AKAP9: variants seen among roughly 807,000 people sequenced by gnomAD.
AKAP9 encodes A-kinase anchor protein 9.
Under a neutral mutation model 488.5 loss-of-function variants are expected in AKAP9, and 311 were observed. The ratio of observed to expected loss-of-function variants is 0.64; its 90% CI spans 0.58 to 0.70. The LOEUF is 0.70. AKAP9 is among the 30% of genes least tolerant of loss of function. AKAP9 has a pLI of 0.00. For missense variants in AKAP9, 4,215 were observed against 4,374.5 expected, an observed-to-expected ratio of 0.96 and a Z score of 1.03; for synonymous variants, 1,462 against 1,483.5, an observed-to-expected ratio of 0.99 and a Z score of 0.33.
Position 92,086,274 on chromosome 7 carries a change from G to C in AKAP9, c.9071G>C (p.Gly3024Ala). ...CATGAGAGCTTCTCAGACTGGCGAG[G>C]TGAACTACTGCTTGCCCTTCAACAA... Reference protein sequence around the residue: ...QSHESFSDWRGELLLALQQVF... With the variant: ...QSHESFSDWRAELLLALQQVF... The change falls in exon 37 of 50, where the codon GGT becomes GCT. Residue 3024 changes from glycine (G) to alanine (A), a missense_variant. This residue lies in a region of AKAP9 where 1,476 missense variants were observed against 1,477.4 expected (regional missense o/e 1.00). Coordinates refer to ENST00000356239, the MANE Select transcript of AKAP9 (RefSeq NM_005751.5). 1 of 1,614,136 alleles carries C rather than the reference G, an allele frequency of 6.2e-7. No individual in the cohort carries two copies. Among genetic ancestry groups the C allele is most frequent in the Non-Finnish European group, 8.5e-7 (1 of 1,180,008 alleles).
At position 92,080,093 on chromosome 7, in the gene AKAP9, G is replaced by T; in HGVS notation, c.7960G>T (p.Glu2654Ter). ...LELQKLLEGN[E>*]KKQREKEKKR... Reference sequence around the variant, plus strand: ...ACTACAGAAGCTATTGGAGGGCAATGAGAAAAAACAGAGAGAGAAAGAAAA... The same window carrying T: ...ACTACAGAAGCTATTGGAGGGCAATTAGAAAAAACAGAGAGAGAAAGAAAA... Residue 2654 changes from glutamate (E) to a stop codon, truncating the protein, a stop_gained, in exon 31 of 50, where the codon GAG (glutamate) becomes TAG (stop). Transcript: ENST00000356239. LOFTEE classifies it high-confidence loss of function. 6.3e-7 allele frequency: 1 copy of T among 1,588,598 alleles called. No homozygotes were observed. Among genetic ancestry groups the T allele is most frequent in the South Asian group, 1.2e-5 (1 of 86,904 alleles).
intron 16 of AKAP9, 115 bp downstream of exon 16, chr7:92,031,719 C>T (rs1804273281): frequency 1.3e-6 from 1 of 796,930 alleles, no homozygotes; most frequent in Non-Finnish European, 2.1e-6. Context: ...TATAGTTCAT[C>T]TTTAAGTGAT....
rs772348877 is a variant in AKAP9 at position 92,086,318 on chromosome 7, A to G, written c.9115A>G (p.Ser3039Gly). The G allele has an allele frequency of 9.5e-5, 153 of 1,613,936 alleles. No homozygotes were observed. Among genetic ancestry groups the G allele is most frequent in the Non-Finnish European group, 1.2e-4 (142 of 1,179,990 alleles). Residue 3039 changes from serine to glycine, a missense_variant, in exon 37 of 50, where the codon AGT becomes GGT. Transcript: ENST00000356239. ...ALQQVFLEER[S>G]VLLAAFRTEL... The stretch of plus-strand genomic sequence containing the variant: ...TCAACAAGTTTTCTTAGAAGAGCGT[A>G]GTGTTTTACTAGCAGCATTTCGGAC...
intron 1 of AKAP9, among the ~76,000 whole-genome samples, chr7:91,965,695 T>C (rs1794359742): frequency 6.6e-6 from 1 of 152,232 alleles, no homozygotes; most frequent in Non-Finnish European, 1.5e-5. Context: ...CAGCATCTGT[T>C]ATTCCCTGTC....
In AKAP9 at chr7:92,079,808, A is replaced by C. The variant is rs757278868; in HGVS notation, c.7675A>C (p.Ile2559Leu). The C allele has an allele frequency of 6.6e-5, 107 of 1,614,032 alleles. No individual in the cohort carries two copies. Among genetic ancestry groups the C allele is most frequent in the Non-Finnish European group, 8.7e-5 (103 of 1,180,020 alleles). Residue 2559 changes from isoleucine (I) to leucine (L), a missense_variant, in exon 31 of 50, where the codon ATC becomes CTC. Ile to Leu is a conservative substitution (Grantham distance 5). Coordinates refer to ENST00000356239, the MANE Select transcript of AKAP9 (RefSeq NM_005751.5). ...AGTGGCTGCTGCTCTTGTCAGTCAA[A>C]TCCAACTTGAGGCAGTTCAGGAATA... is the stretch of plus-strand genomic sequence containing the variant. ...EKVAAALVSQ[I>L]QLEAVQEYAK...
In AKAP9 at chr7:92,052,851, G is replaced by A. The variant is rs1313350295; in HGVS notation, c.5494G>A (p.Gly1832Arg). The A allele has an allele frequency of 1.9e-6, 3 of 1,613,808 alleles. No homozygotes were observed. Among genetic ancestry groups the A allele is most frequent in the Non-Finnish European group, 2.5e-6 (3 of 1,179,874 alleles). The change falls in exon 22 of 50, where the codon GGA (glycine) becomes AGA (arginine). Residue 1832 changes from glycine (G) to arginine (R), a missense_variant. Transcript: ENST00000356239. Reference protein sequence around the residue: ...SQRLVRSGFAGTEIDPENEEL... With the variant: ...SQRLVRSGFARTEIDPENEEL... ...ACGACTTGTGAGGAGTGGTTTTGCT[G>A]GAACTGAAATAGACCCTGAAAATGA... is the stretch of plus-strand genomic sequence containing the variant.
intron 2 of AKAP9, among the ~76,000 whole-genome samples, chr7:91,975,925 G>GTTTTTTT (rs34121912): frequency 1.4e-5 from 1 of 73,726 alleles, no homozygotes; most frequent in African/African-American, 5.6e-5. Flanking sequence ...TTGTTTGTTT[G>GTTTTTTT]TTTTTTTTTT....
intron 10 of AKAP9, among the ~76,000 whole-genome samples, chr7:92,014,586 G>A (rs547781649): frequency 8.7e-4 from 132 of 152,260 alleles, no homozygotes; most frequent in Non-Finnish European, 1.5e-3. Context: ...TGGAGATCAT[G>A]CTACTGCACT....
In AKAP9 at chr7:92,002,611, A is replaced by C. The variant is rs755978798; in HGVS notation, c.2694A>C (p.Glu898Asp). 1 of 1,611,834 alleles carries C rather than the reference A, an allele frequency of 6.2e-7. No individual in the cohort carries two copies. The highest frequency in any genetic ancestry group is 1.3e-5 in the African/African-American group (1 of 74,774). ...AAAGTAAACTTAAAGCACTTAATGA[A>C]GAGCTTCATTTGCAAAGAATAAATC... is the stretch of plus-strand genomic sequence containing the variant. ...EYKSKLKALN[E>D]ELHLQRINPT... The change falls in exon 8 of 50, where the codon GAA (glutamate) becomes GAC (aspartate). Residue 898 changes from glutamate to aspartate, a missense_variant. Glu to Asp is a conservative substitution (Grantham distance 45). Transcript: ENST00000356239.
intron 18 of AKAP9, 86 bp downstream of exon 18, chr7:92,040,984 G>T: frequency 1.2e-5 from 13 of 1,095,688 alleles, no homozygotes; most frequent in African/African-American, 1.6e-5. Context: ...TAAAACAACA[G>T]TATTTTTTAT....
intron 22 of AKAP9, chr7:92,058,520 A>G (rs1400698947): frequency 2.9e-6 from 1 of 342,736 alleles, no homozygotes; most frequent in Non-Finnish European, 5.7e-6. Flanking sequence ...ATGCGTTACT[A>G]CTCATTCATT....
chr7:91,985,149 TG>T (rs1562935201), intron 3 of AKAP9, among the ~76,000 whole-genome samples: 1 of 152,206 alleles, frequency 6.6e-6, no homozygotes, highest in Non-Finnish European at 1.5e-5. Flanking sequence ...TCCAAGACTA[TG>T]TTGAATAGGA....
chr7:92,042,677 G>T lies in AKAP9; in HGVS notation c.5068G>T (p.Glu1690Ter). ...ACACAAACTTAAACAGAATGGAAAT[G>T]AAAACCAAGGAGAAGTTGAAGAACA... ...NSSTQTQNGN[E>*]NQGEVEEQTF... The change falls in exon 20 of 50, where the codon GAA (glutamate) becomes TAA (stop). Residue 1690 changes from glutamate to a stop codon, truncating the protein, a stop_gained. Coordinates refer to ENST00000356239, the MANE Select transcript of AKAP9 (RefSeq NM_005751.5). LOFTEE classifies it high-confidence loss of function. The T allele has an allele frequency of 6.2e-7, 1 of 1,609,076 alleles. No homozygotes were observed. The highest frequency in any genetic ancestry group is 1.1e-5 in the South Asian group (1 of 90,914).
intron 21 of AKAP9, among the ~76,000 whole-genome samples, chr7:92,045,462 ACATTTCTC>A (rs992990392): frequency 6.6e-6 from 1 of 152,202 alleles, no homozygotes; most frequent in Non-Finnish European, 1.5e-5. Flanking sequence ...GAATGCTGTT[ACATTTCTC>A]CACCGATAAA....
chr7:92,012,703 A>T, intron 9 of AKAP9, 61 bp downstream of exon 9: 1 of 1,391,764 alleles, frequency 7.2e-7, no homozygotes, highest in Non-Finnish European at 1.0e-6. Flanking sequence ...AGAGCCCACC[A>T]TTCTATAATT....
At chr7:92,049,408 G>A (rs1192837704) in intron 21 of AKAP9, among the ~76,000 whole-genome samples, 1 of 152,120 alleles carries the variant, frequency 6.6e-6, no homozygotes, top group African/African-American at 2.4e-5. Context: ...TCAGGAGATC[G>A]AGACCGTCCT....
intron 22 of AKAP9, chr7:92,058,229 C>A (rs1255083065): frequency 3.4e-6 from 2 of 591,500 alleles, no homozygotes; most frequent in African/African-American, 1.8e-5. Context: ...GTTAGAAGAG[C>A]AAGATGAAGA....
chr7:92,026,869 C>T (rs375755075), intron 14 of AKAP9, among the ~76,000 whole-genome samples: 4 of 149,482 alleles, frequency 2.7e-5, no homozygotes, highest in African/African-American at 4.9e-5. Flanking sequence ...CCGGCCGCCA[C>T]GCCGTCTAGG....
intron 37 of AKAP9, among the ~76,000 whole-genome samples, chr7:92,087,265 A>G (rs753987708): frequency 4.6e-5 from 7 of 152,234 alleles, no homozygotes; most frequent in African/African-American, 1.7e-4. Context: ...GACGACGTCA[A>G]TAGACACACT....
Sources: gnomAD v4.1 joint callset for allele counts (sites outside exome capture counted in the v4.1 genomes callset) on GRCh38, gnomAD v4.1.1 for gene constraint, gnomAD v4.1.1 regional missense constraint, MANE v1.5 for transcripts, NCBI Gene and HGNC (gene_info 2026-07-23, HGNC 2026-07-21) for gene names.